COL12A1: variants seen among roughly 807,000 people sequenced by gnomAD.
COL12A1 encodes the protein collagen type XII alpha 1 chain.
Under a neutral mutation model 349.7 loss-of-function variants are expected in COL12A1, and 114 were observed. The ratio of observed to expected loss-of-function variants is 0.33; its 90% CI spans 0.28 to 0.38. The LOEUF (loss-of-function observed/expected upper bound fraction) is 0.38. Among genes scored for constraint, COL12A1 ranks in the 10% least tolerant of loss-of-function variants. The pLI, the probability that COL12A1 is intolerant of heterozygous loss-of-function variation, is 1.00. For synonymous variants in COL12A1, 1,369 were observed against 1,329.0 expected, an observed-to-expected ratio of 1.03 and a Z score of -0.66; for missense variants, 3,284 against 3,756.9, an observed-to-expected ratio of 0.87 and a Z score of 3.29.
At position 75,195,409 on chromosome 6, in the gene COL12A1, C is replaced by T. The variant is rs191129585; in HGVS notation, c.74-462G>A. Among the ~76,000 whole-genome samples the T allele has an allele frequency of 4.0e-3, 613 of 152,112 alleles. 5 individuals carry two copies. The highest frequency in any genetic ancestry group is 0.014 in the African/African-American group (574 of 41,510). On this transcript the variant is annotated intron_variant, in intron 2 of 65. Coordinates refer to ENST00000322507, the MANE Select transcript of COL12A1 (RefSeq NM_004370.6). ...AAACATTGACATAATATGTTTTTTC[C>T]CACAATATGGACAAGAAACAATGAT... is the stretch of plus-strand genomic sequence containing the variant.
chr6:75,095,791 G>A (rs1399436720), intron 59 of COL12A1, among the ~76,000 whole-genome samples: 1 of 152,154 alleles, frequency 6.6e-6, no homozygotes, highest in Non-Finnish European at 1.5e-5. Flanking sequence ...TATGATCCTA[G>A]TAAATTGGTT....
chr6:75,133,366 G>T lies in COL12A1; in HGVS notation c.5721C>A (p.Thr1907=), dbSNP rs1290947404. ...YAILRNLQPD[T]SYTVTVVPVY... is the part of the protein sequence containing the mutation. ...CGGGAACTACAGTCACAGTGTATGAGGTATCTGGCTGCAGATTCCTAAGAA... is the reference window on the plus strand; with the variant it reads ...CGGGAACTACAGTCACAGTGTATGATGTATCTGGCTGCAGATTCCTAAGAA... The change falls in exon 34 of 66, where the codon ACC becomes ACA. Residue 1907 remains threonine, a synonymous_variant. Coordinates refer to ENST00000322507, the MANE Select transcript of COL12A1 (RefSeq NM_004370.6). 3.7e-6 allele frequency: 6 copies of T among 1,612,886 alleles called. No homozygotes were observed. In the African/African-American group the frequency reaches 8.0e-5, roughly 22 times the overall value.
At chr6:75,137,615 C>A in intron 30 of COL12A1, 36 bp from the exon 31 acceptor site, 2 of 1,610,892 alleles carry the variant, frequency 1.2e-6, no homozygotes, top group Non-Finnish European at 1.7e-6. Context: ...AGTAAGCAGA[C>A]AGAACAATGC....
intron 60 of COL12A1, among the ~76,000 whole-genome samples, chr6:75,091,865 C>T (rs960577085): frequency 5.9e-5 from 9 of 152,112 alleles, no homozygotes; most frequent in African/African-American, 2.2e-4. Context: ...ATGAAGATTG[C>T]CCTTGTACCG....
intron 53 of COL12A1, 76 bp from the exon 54 acceptor site, chr6:75,105,368 T>G (rs1232949687): frequency 1.3e-5 from 13 of 963,536 alleles, no homozygotes; most frequent in Non-Finnish European, 2.1e-5. Context: ...CCCACTTACA[T>G]GCACAAGGAA....
intron 14 of COL12A1, among the ~76,000 whole-genome samples, chr6:75,157,539 G>T (rs945420806): frequency 6.6e-6 from 1 of 152,118 alleles, no homozygotes; most frequent in Non-Finnish European, 1.5e-5. Flanking sequence ...GAACAAAGGG[G>T]AATAGGTTCT....
chr6:75,154,582 C>T lies in COL12A1; in HGVS notation c.3444-45G>A, dbSNP rs143820792. On this transcript the variant is annotated intron_variant, in intron 16 of 65. Transcript: ENST00000322507. ...ATATAGCCTGTGAGAACCATAGGCT[C>T]AAGTGGTAGCACTTTTTTTTTGCTT... 1.1e-4 allele frequency: 172 copies of T among 1,532,440 alleles called. No homozygotes were observed. The African/African-American group carries it at 2.2e-3, about 19-fold the overall frequency. 94.9% of individuals were successfully genotyped at this position (1,532,440 alleles called of 1,614,324 possible).
chr6:75,139,109 T>C (rs1040379339), intron 27 of COL12A1, 148 bp from the exon 28 acceptor site: 38 of 816,848 alleles, frequency 4.7e-5, no homozygotes, highest in Non-Finnish European at 6.8e-5. Context: ...CACCAATTCC[T>C]AGAGCTCTGG....
In COL12A1 at chr6:75,145,368, G is replaced by A; in HGVS notation, c.4648C>T (p.His1550Tyr). Residue 1550 changes from histidine to tyrosine, a missense_variant, in exon 25 of 66, where the codon CAC (histidine) becomes TAC (tyrosine). Around this residue, in one of 2 missense-constraint regions of COL12A1, gnomAD observed 2,601 missense variants for 2,824.8 expected, o/e 0.92. Transcript: ENST00000322507. The part of the protein sequence containing the change: ...EYAVTVQAVL[H>Y]DLTSEPVTVR... The stretch of plus-strand genomic sequence containing the variant: ...GTGACAGGTTCACTAGTGAGGTCGT[G>A]CAGGACAGCCTGGACTGTGACTGCA... 1 of 1,613,658 alleles carries A rather than the reference G, an allele frequency of 6.2e-7. No individual in the cohort carries two copies. Among genetic ancestry groups the A allele is most frequent in the Non-Finnish European group, 8.5e-7 (1 of 1,179,690 alleles).
chr6:75,085,164 T>TCGCGG lies in COL12A1; in HGVS notation c.*1378_*1382dup, dbSNP rs1258285558. On this transcript the variant is annotated 3_prime_UTR_variant, in exon 66 of 66. Transcript: ENST00000322507. ...AGAATTTCAACACCTCCCCCAAGCC[T>TCGCGG]CGCGGCGCGGCGCGTGATCTCTGGT... is the stretch of plus-strand genomic sequence containing the variant. 22 of 457,346 alleles carry TCGCGG rather than the reference T, an allele frequency of 4.8e-5. No homozygotes were observed. The highest frequency in any genetic ancestry group is 1.6e-4 in the South Asian group (10 of 64,242). 28.3% of individuals were successfully genotyped at this position (457,346 alleles called of 1,614,324 possible). A position where few individuals can be genotyped will look rare whatever the true frequency, so the allele number is the denominator to read the frequency against.
chr6:75,100,315 C>A (rs1241491229), intron 58 of COL12A1, among the ~76,000 whole-genome samples: 1 of 152,098 alleles, frequency 6.6e-6, no homozygotes, highest in Non-Finnish European at 1.5e-5. Flanking sequence ...TGCATGAAGC[C>A]CACATTGGGG....
intron 14 of COL12A1, among the ~76,000 whole-genome samples, chr6:75,159,278 T>G (rs77871272): frequency 0.026 from 3,980 of 151,056 alleles, 95 homozygotes; most frequent in South Asian, 0.1. Flanking sequence ...ATTTTTATTT[T>G]TAGGTTTAAA....
intron 46 of COL12A1, 53 bp from the exon 47 acceptor site, chr6:75,117,599 T>C (rs1439891206): frequency 6.4e-7 from 1 of 1,563,832 alleles, no homozygotes; most frequent in South Asian, 1.2e-5. Flanking sequence ...CTGTCCTTGT[T>C]GTTAGAACAA....
intron 24 of COL12A1, 134 bp from the exon 25 acceptor site, chr6:75,145,589 T>G: frequency 1.3e-6 from 1 of 749,806 alleles, no homozygotes; most frequent in Non-Finnish European, 1.9e-6. Context: ...AGATTACATC[T>G]CCTTTTCCAT....
chr6:75,114,197 T>G (rs1187432913), intron 49 of COL12A1, among the ~76,000 whole-genome samples: 1 of 151,904 alleles, frequency 6.6e-6, no homozygotes, highest in East Asian at 1.9e-4. Flanking sequence ...CTGTATGAGA[T>G]CATAAAATGG....
intron 60 of COL12A1, among the ~76,000 whole-genome samples, chr6:75,092,632 T>C (rs1767828864): frequency 6.6e-6 from 1 of 152,012 alleles, no homozygotes; most frequent in Non-Finnish European, 1.5e-5. Context: ...ACCAAGACTC[T>C]TGCCTGAAAC....
chr6:75,190,993 A>G (rs984416399), intron 5 of COL12A1, among the ~76,000 whole-genome samples: 2 of 151,972 alleles, frequency 1.3e-5, no homozygotes, highest in Non-Finnish European at 2.9e-5. Context: ...ATTCTGGGTC[A>G]TAAATCCAAG....
In COL12A1 at chr6:75,123,359, G is replaced by C. The variant is rs1302398240; in HGVS notation, c.6917C>G (p.Pro2306Arg). The C allele has an allele frequency of 6.2e-7, 1 of 1,607,630 alleles. No homozygotes were observed. Reference sequence around the variant, plus strand: ...CCGGGCTGGTGGAATGGTGGGAGGGGGAGGAGGTGTGGGTGGCTCTGTAGG... The same window carrying C: ...CCGGGCTGGTGGAATGGTGGGAGGGCGAGGAGGTGTGGGTGGCTCTGTAGG... ...EAPTEPPTPP[P>R]PPTIPPARDV... Residue 2306 changes from proline (P) to arginine (R), a missense_variant, in exon 43 of 66, where the codon CCC (proline) becomes CGC (arginine). Physicochemically the swap from Pro to Arg is moderately radical, Grantham distance 103 (BLOSUM62 -2). Transcript: ENST00000322507.
chr6:75,134,701 C>T (rs754519584), intron 32 of COL12A1, 25 bp downstream of exon 32: 2 of 1,578,118 alleles, frequency 1.3e-6, no homozygotes, highest in Non-Finnish European at 1.7e-6. Context: ...ATTAAAGAAG[C>T]TATAGGAACT....
Sources: allele counts gnomAD v4.1 joint callset (sites outside exome capture counted in the v4.1 genomes callset), GRCh38; gene constraint gnomAD v4.1.1; regional missense constraint gnomAD v4.1.1; transcripts MANE v1.5; gene names NCBI Gene and HGNC (gene_info 2026-07-23, HGNC 2026-07-21).